NWD1: variants seen among roughly 807,000 people sequenced by gnomAD.
NWD1 encodes the protein NACHT domain- and WD repeat-containing protein 1.
Under a neutral mutation model 135.1 loss-of-function variants are expected in NWD1, and 129 were observed. The ratio of observed to expected loss-of-function variants is 0.96; its 90% CI spans 0.83 to 1.11. The LOEUF is 1.11. NWD1 is among the 50% of genes least tolerant of loss of function. The pLI is 0.00. For missense variants in NWD1, 1,740 were observed against 1,851.3 expected (o/e 0.94, Z 1.10); for synonymous variants, 773 against 786.0 (o/e 0.98, Z 0.28).
intron 4 of NWD1, among the ~76,000 whole-genome samples, chr19:16,742,936 A>T (rs1271763832): frequency 7.1e-6 from 1 of 140,608 alleles, no homozygotes; most frequent in Admixed American, 7.2e-5. Context: ...TATTTGAGAC[A>T]GAGTCTTGCT....
intron 15 of NWD1, 34 bp from the exon 16 acceptor site, chr19:16,797,698 A>G (rs1281059018): frequency 1.4e-5 from 22 of 1,600,356 alleles, no homozygotes; most frequent in Non-Finnish European, 1.7e-5. Context: ...TCCTCTGGAC[A>G]TGAGAGGTGT....
At position 16,750,291 on chromosome 19, in the gene NWD1, C is replaced by A. The variant is rs1599464446; in HGVS notation, c.1649C>A (p.Thr550Asn). Residue 550 changes from threonine to asparagine, a missense_variant, in exon 6 of 19, where the codon ACC (threonine) becomes AAC (asparagine). By Grantham distance (65) the Thr-to-Asn change is moderately conservative (BLOSUM62 0). Transcript: ENST00000524140. The stretch of plus-strand genomic sequence containing the variant: ...GAAGCCCGGAAATGGGCCTCTTTCA[C>A]CGTGCCTGTCCCGCTGGCCACCACC... ...FEEARKWASFTVPVPLATTAE... is the reference protein window; with the variant it reads ...FEEARKWASFNVPVPLATTAE... 6.2e-7 allele frequency: 1 copy of A among 1,613,710 alleles called. No individual in the cohort carries two copies. Among genetic ancestry groups the A allele is most frequent in the Non-Finnish European group, 8.5e-7 (1 of 1,179,958 alleles).
chr19:16,752,218 GTT>G (rs775738569), intron 6 of NWD1, among the ~76,000 whole-genome samples: 1 of 139,936 alleles, frequency 7.1e-6, no homozygotes, highest in Non-Finnish European at 1.5e-5. Flanking sequence ...TTTTAGGGTT[GTT>G]TTTTTTTTTT....
At chr19:16,746,733 A>G (rs929843705) in intron 5 of NWD1, among the ~76,000 whole-genome samples, 4 of 152,130 alleles carry the variant, frequency 2.6e-5, no homozygotes, top group Non-Finnish European at 5.9e-5. Context: ...TGCATGTTCT[A>G]TCTATCATAT....
chr19:16,738,518 G>A (rs562944881), intron 4 of NWD1, among the ~76,000 whole-genome samples: 36 of 147,344 alleles, frequency 2.4e-4, no homozygotes, highest in African/African-American at 8.8e-4. Context: ...GGAGTGAGCC[G>A]AGATTGTGCC....
intron 10 of NWD1, among the ~76,000 whole-genome samples, chr19:16,769,909 C>T (rs946675563): frequency 2.0e-5 from 3 of 152,184 alleles, no homozygotes; most frequent in African/African-American, 7.2e-5. Context: ...ATGATCATAG[C>T]GCACAGCACC....
rs1436739416 is a variant in NWD1, at chr19:16,816,171, A to G, written c.*1132A>G. 1 of 152,214 alleles carries G rather than the reference A, an allele frequency of 6.6e-6. No homozygotes were observed. Among genetic ancestry groups the G allele is most frequent in the Non-Finnish European group, 1.5e-5 (1 of 68,066 alleles). 9.4% of individuals were successfully genotyped at this position (152,214 alleles called of 1,614,324 possible). A position where few individuals can be genotyped will look rare whatever the true frequency, so the allele number is the denominator to read the frequency against. On this transcript the variant is annotated 3_prime_UTR_variant, in exon 19 of 19. Transcript: ENST00000524140. ...GGAGAGACAGAGACTGGACATGTGG[A>G]AGGCAGAGATTGTGTCTAGGGTGGG...
rs139987064 is a variant in NWD1 at position 16,732,598 on chromosome 19, A to AT, written c.81+1320_81+1321insT. ...TCCTTGTACCAATCCCTGGCTAGGGAATTTTTTTTTTTTTTTCAGATGAGG... is the reference window on the plus strand; with the variant it reads ...TCCTTGTACCAATCCCTGGCTAGGGATATTTTTTTTTTTTTTTCAGATGAGG... On this transcript the variant is annotated intron_variant, in intron 3 of 18. Coordinates refer to ENST00000524140, the MANE Select transcript of NWD1 (RefSeq NM_001007525.5). Among the ~76,000 whole-genome samples, 2 of 117,322 alleles carry AT rather than the reference A, an allele frequency of 1.7e-5. 1 individual carries two copies. The highest frequency in any genetic ancestry group is 3.3e-5 in the Non-Finnish European group (2 of 60,504). 77.0% of individuals were successfully genotyped at this position (117,322 alleles called of 152,430 possible).
chr19:16,752,535 G>A (rs994356987), intron 6 of NWD1, among the ~76,000 whole-genome samples: 15 of 118,930 alleles, frequency 1.3e-4, no homozygotes, highest in Non-Finnish European at 1.9e-4. Flanking sequence ...GTGCTACTCC[G>A]GAGGCTGAGA....
chr19:16,810,512 A>G (rs964338052), intron 18 of NWD1, among the ~76,000 whole-genome samples: 3 of 151,820 alleles, frequency 2.0e-5, no homozygotes, highest in Admixed American at 6.6e-5. Flanking sequence ...TCATGCCTGT[A>G]ATCCCAGCAC....
intron 17 of NWD1, among the ~76,000 whole-genome samples, chr19:16,800,688 T>C (rs1170090596): frequency 1.3e-5 from 2 of 152,120 alleles, no homozygotes; most frequent in Non-Finnish European, 2.9e-5. Flanking sequence ...ATGGCCATCT[T>C]CTTGATGTGT....
In NWD1 at chr19:16,750,371, C is replaced by G. The variant is rs1968526886; in HGVS notation, c.1729C>G (p.Leu577Val). 6.2e-7 allele frequency: 1 copy of G among 1,603,000 alleles called. No homozygotes were observed. Among genetic ancestry groups the G allele is most frequent in the African/African-American group, 1.3e-5 (1 of 74,424 alleles). The change falls in exon 6 of 19, where the codon CTC becomes GTC. Residue 577 changes from leucine to valine, a missense_variant. Leu to Val is a conservative substitution (Grantham distance 32, BLOSUM62 1). Transcript: ENST00000524140. ...CTRLEQTHGQLLVAHVLGYIV... is the reference protein window; with the variant it reads ...CTRLEQTHGQVLVAHVLGYIV... The stretch of plus-strand genomic sequence containing the variant: ...CCGCCTGGAGCAGACACACGGGCAG[C>G]TCCTCGTGGCCCACGTGCTGGGCTA...
intron 5 of NWD1, 131 bp from the exon 6 acceptor site, chr19:16,749,008 A>G (rs8110046): frequency 0.059 from 40,354 of 683,198 alleles, 3,315 homozygotes; most frequent in African/African-American, 0.31. Flanking sequence ...CCCCCAGGTC[A>G]GACTCTGGTG....
chr19:16,770,645 T>A (rs981168095), intron 10 of NWD1, among the ~76,000 whole-genome samples: 1 of 152,024 alleles, frequency 6.6e-6, no homozygotes, highest in Non-Finnish European at 1.5e-5. Context: ...AGTTTTCCCA[T>A]CTGCAGAATA....
Position 16,736,688 on chromosome 19 carries a change from A to G in NWD1, c.136A>G (p.Thr46Ala). 6.5e-7 allele frequency: 1 copy of G among 1,536,348 alleles called. No individual in the cohort carries two copies. The highest frequency in any genetic ancestry group is 1.2e-5 in the South Asian group (1 of 84,064). ...RNIEATDHLTTELCLEEVDRC... is the reference protein window; with the variant it reads ...RNIEATDHLTAELCLEEVDRC... Reference sequence around the variant, plus strand: ...CATTGAAGCCACTGACCACTTGACCACAGAACTCTGCTTGGAGGAGGTTGA... The same window carrying G: ...CATTGAAGCCACTGACCACTTGACCGCAGAACTCTGCTTGGAGGAGGTTGA... Residue 46 changes from threonine to alanine, a missense_variant, in exon 4 of 19, where the codon ACA becomes GCA. Transcript: ENST00000524140.
chr19:16,787,552 C>A (rs114684735), intron 12 of NWD1, among the ~76,000 whole-genome samples: 243 of 152,142 alleles, frequency 1.6e-3, no homozygotes, highest in African/African-American at 5.3e-3. Context: ...GAGAGAGGCT[C>A]TCAAAACAAA....
chr19:16,754,182 A>G (rs560901780), intron 6 of NWD1, among the ~76,000 whole-genome samples: 64 of 147,944 alleles, frequency 4.3e-4, no homozygotes, highest in African/African-American at 1.5e-3. Flanking sequence ...TCTATCCATC[A>G]TCTCGATCTT....
chr19:16,781,562 G>A (rs1364136077), intron 12 of NWD1, among the ~76,000 whole-genome samples: 4 of 151,812 alleles, frequency 2.6e-5, no homozygotes, highest in Non-Finnish European at 5.9e-5. Flanking sequence ...GCTACAGTGA[G>A]CTGTGATTAC....
At chr19:16,765,952 G>T (rs1388040028) in intron 10 of NWD1, among the ~76,000 whole-genome samples, 1 of 150,048 alleles carries the variant, frequency 6.7e-6, no homozygotes, top group Non-Finnish European at 1.5e-5. Flanking sequence ...GGGAGGCGGA[G>T]GTTACAGTGA....
Sources: allele counts gnomAD v4.1 joint callset (sites outside exome capture counted in the v4.1 genomes callset), GRCh38; gene constraint gnomAD v4.1.1; transcripts MANE v1.5; gene names NCBI Gene and HGNC (gene_info 2026-07-23, HGNC 2026-07-21).